CSMD1: variants seen among roughly 807,000 people sequenced by gnomAD.
CSMD1 encodes the protein CUB and Sushi multiple domains 1.
A neutral mutation model predicts 417.5 loss-of-function variants in CSMD1; 213 were observed. The ratio of observed to expected loss-of-function variants is 0.51; its 90% CI spans 0.46 to 0.57. The LOEUF (loss-of-function observed/expected upper bound fraction) is 0.57. Among genes scored for constraint, CSMD1 ranks in the 20% least tolerant of loss-of-function variants. The probability of loss-of-function intolerance (pLI) is 0.00; values close to 1 mark genes in which losing one functional copy is unlikely to be tolerated. For missense variants in CSMD1, 6,923 were observed against 4,529.7 expected (o/e 1.53, Z -15.17); for synonymous variants, 2,862 against 1,736.8 (o/e 1.65, Z -16.11).
intron 1 of CSMD1, among the ~76,000 whole-genome samples, chr8:4,712,636 C>T (rs1037339978): frequency 1.1e-4 from 17 of 152,158 alleles, no homozygotes; most frequent in Admixed American, 9.2e-4. Flanking sequence ...ATGAGATTTG[C>T]AGCATCTTTT....
chr8:4,904,470 A>G (rs536183520), intron 1 of CSMD1, among the ~76,000 whole-genome samples: 4 of 152,352 alleles, frequency 2.6e-5, no homozygotes, highest in Non-Finnish European at 5.9e-5. Flanking sequence ...GTTCAAAGTC[A>G]AACAGCTGGT....
intron 39 of CSMD1, among the ~76,000 whole-genome samples, chr8:3,155,082 G>C (rs1239252315): frequency 6.6e-6 from 1 of 151,620 alleles, no homozygotes; most frequent in Non-Finnish European, 1.5e-5. Context: ...TTAAGTAAAA[G>C]AGAAAAGCCT....
At chr8:4,035,038 T>A (rs1012384136) in intron 3 of CSMD1, among the ~76,000 whole-genome samples, 3 of 152,328 alleles carry the variant, frequency 2.0e-5, no homozygotes, top group South Asian at 2.1e-4. Flanking sequence ...AACTTTGGTA[T>A]GAATAATGCA....
chr8:4,366,260 T>C (rs1802064279), intron 3 of CSMD1, among the ~76,000 whole-genome samples: 1 of 151,750 alleles, frequency 6.6e-6, no homozygotes. Flanking sequence ...GATTCTTTTT[T>C]TTTTCTGTTT....
At chr8:3,537,869 CTT>C (rs1372410202) in intron 10 of CSMD1, among the ~76,000 whole-genome samples, 2 of 152,226 alleles carry the variant, frequency 1.3e-5, no homozygotes, top group African/African-American at 4.8e-5. Context: ...TCAGGAGCCT[CTT>C]CTCCCATATT....
chr8:3,481,000 C>CA (rs1217534959), intron 11 of CSMD1, among the ~76,000 whole-genome samples: 1 of 150,920 alleles, frequency 6.6e-6, no homozygotes, highest in Non-Finnish European at 1.5e-5. Flanking sequence ...ACTAAAAATA[C>CA]AAAAAATTAG....
intron 52 of CSMD1, among the ~76,000 whole-genome samples, chr8:3,008,330 G>A (rs1808116878): frequency 6.6e-6 from 1 of 152,178 alleles, no homozygotes; most frequent in Non-Finnish European, 1.5e-5. Context: ...GACACACACA[G>A]GGAAAACCAC....
intron 2 of CSMD1, among the ~76,000 whole-genome samples, chr8:4,573,281 G>C (rs113138808): frequency 0.017 from 2,512 of 152,238 alleles, 64 homozygotes; most frequent in African/African-American, 0.057. Flanking sequence ...CTTTTATGCT[G>C]ATGACCTTTG....
intron 10 of CSMD1, among the ~76,000 whole-genome samples, chr8:3,500,912 G>C (rs1796573622): frequency 6.6e-6 from 1 of 152,110 alleles, no homozygotes. Flanking sequence ...TGTCAGAGAG[G>C]ATTTTTTCTT....
intron 3 of CSMD1, among the ~76,000 whole-genome samples, chr8:4,231,864 C>G (rs779245463): frequency 6.6e-6 from 1 of 152,214 alleles, no homozygotes; most frequent in Non-Finnish European, 1.5e-5. Flanking sequence ...GATAAAGGAT[C>G]AAACACATCA....
intron 10 of CSMD1, among the ~76,000 whole-genome samples, chr8:3,529,116 C>A (rs970424194): frequency 9.8e-5 from 15 of 152,286 alleles, no homozygotes; most frequent in African/African-American, 3.1e-4. Flanking sequence ...GTGAACTAAT[C>A]ATTATTTCAT....
chr8:3,577,319 A>T (rs1271381120), intron 9 of CSMD1, among the ~76,000 whole-genome samples: 5 of 152,224 alleles, frequency 3.3e-5, no homozygotes, highest in Non-Finnish European at 7.3e-5. Flanking sequence ...CAGGCCTATG[A>T]AGTACCAAGT....
chr8:3,873,067 G>A (rs903527319), intron 5 of CSMD1, among the ~76,000 whole-genome samples: 3 of 151,954 alleles, frequency 2.0e-5, no homozygotes, highest in Admixed American at 1.3e-4. Flanking sequence ...ATGCTGGCAA[G>A]GTTGCAGATA....
chr8:3,895,922 G>A (rs963807906), intron 5 of CSMD1, among the ~76,000 whole-genome samples: 1 of 152,172 alleles, frequency 6.6e-6, no homozygotes, highest in Non-Finnish European at 1.5e-5. Context: ...GGTGGGAGAG[G>A]CACCAACCAA....
chr8:4,735,400 A>G (rs898495882), intron 1 of CSMD1, among the ~76,000 whole-genome samples: 6 of 152,108 alleles, frequency 3.9e-5, no homozygotes, highest in Non-Finnish European at 8.8e-5. Flanking sequence ...ATCTGCCCCA[A>G]ATAACCTTCT....
Position 3,223,768 on chromosome 8 carries a change from T to C in CSMD1, c.4445A>G (p.Lys1482Arg). 2 of 1,613,924 alleles carry C rather than the reference T, an allele frequency of 1.2e-6. No homozygotes were observed. The highest frequency in any genetic ancestry group is 1.7e-6 in the Non-Finnish European group (2 of 1,179,826). ...PPGKECDWRV[K>R]VNPDFVIALI... is the part of the protein sequence containing the mutation. The stretch of plus-strand genomic sequence containing the variant: ...GGCGATGACAAAGTCCGGGTTCACT[T>C]TTACTCTCCAGTCACATTCCTTCCC... The change falls in exon 28 of 70, where the codon AAA becomes AGA. Residue 1482 changes from lysine (K) to arginine (R), a missense_variant. By Grantham distance (26) the Lys-to-Arg change is conservative. Coordinates refer to ENST00000635120, the MANE Select transcript of CSMD1 (RefSeq NM_033225.6).
intron 51 of CSMD1, among the ~76,000 whole-genome samples, chr8:3,026,448 G>T (rs968570982): frequency 6.7e-6 from 1 of 150,174 alleles, no homozygotes; most frequent in African/African-American, 2.5e-5. Context: ...CACTGGGCCT[G>T]ACTGGACCTC....
chr8:4,612,035 A>G (rs1801203074), intron 2 of CSMD1, among the ~76,000 whole-genome samples: 1 of 152,178 alleles, frequency 6.6e-6, no homozygotes, highest in South Asian at 2.1e-4. Context: ...GAATGAAAAG[A>G]AAGCCATGGT....
chr8:4,533,408 G>A (rs562355489), intron 2 of CSMD1, among the ~76,000 whole-genome samples: 3 of 152,058 alleles, frequency 2.0e-5, no homozygotes, highest in Non-Finnish European at 2.9e-5. Flanking sequence ...CAGGATGGAC[G>A]GACAAAAAAG....
Sources: allele counts gnomAD v4.1 joint callset (sites outside exome capture counted in the v4.1 genomes callset), GRCh38; gene constraint gnomAD v4.1.1; transcripts MANE v1.5; gene names NCBI Gene and HGNC (gene_info 2026-07-23, HGNC 2026-07-21).